Variants in SLIT1 observed in about 807,000 individuals in gnomAD.
SLIT1 encodes slit homolog 1 protein.
SLIT1 carries 66 observed loss-of-function variants against 186.1 expected under a neutral mutation model. That is an observed-to-expected ratio of 0.35 (90% CI 0.29 to 0.44). SLIT1 has a LOEUF of 0.44. SLIT1 is among the 20% of genes least tolerant of loss of function. The pLI, the probability that SLIT1 is intolerant of heterozygous loss-of-function variation, is 1.00. For synonymous variants in SLIT1, 761 were observed against 833.8 expected, an observed-to-expected ratio of 0.91 and a Z score of 1.50; for missense variants, 1,638 against 2,037.4, an observed-to-expected ratio of 0.80 and a Z score of 3.77.
At chr10:97,008,860 TTTA>T (rs944013345) in intron 31 of SLIT1, among the ~76,000 whole-genome samples, 25 of 150,972 alleles carry the variant, frequency 1.7e-4, no homozygotes, top group African/African-American at 5.3e-4. Flanking sequence ...TTTTTTATTT[TTTA>T]TTATTTATTT....
chr10:97,001,190 G>A lies in SLIT1; in HGVS notation c.4527C>T (p.Thr1509=). Residue 1509 remains threonine, a synonymous_variant, in exon 37 of 37, where the codon ACC becomes ACT. Coordinates refer to ENST00000266058, the MANE Select transcript of SLIT1 (RefSeq NM_003061.3). The part of the protein sequence containing the change: ...QGLRLKRRKF[T]FECSDGTSFA... ...AAGAGGTCCCATCGCTGCACTCAAA[G>A]GTGAACTTCCTCCGCTTCAGCCGAA... 6.2e-7 allele frequency: 1 copy of A among 1,613,302 alleles called. No individual in the cohort carries two copies. The highest frequency in any genetic ancestry group is 1.6e-4 in the Middle Eastern group (1 of 6,062).
At chr10:97,005,689 G>A (rs1213700049) in intron 32 of SLIT1, among the ~76,000 whole-genome samples, 1 of 152,206 alleles carries the variant, frequency 6.6e-6, no homozygotes, top group African/African-American at 2.4e-5. Flanking sequence ...TTTATTTTTG[G>A]CGGTTAGGCT....
intron 4 of SLIT1, among the ~76,000 whole-genome samples, chr10:97,077,280 T>A (rs1849054529): frequency 6.6e-6 from 1 of 151,554 alleles, no homozygotes; most frequent in South Asian, 2.1e-4. Flanking sequence ...AAAAAAAAAA[T>A]CACACAGGAC....
chr10:97,131,808 G>A (rs973749734), intron 4 of SLIT1, among the ~76,000 whole-genome samples: 17 of 152,302 alleles, frequency 1.1e-4, no homozygotes, highest in African/African-American at 4.1e-4. Context: ...GGCACCGTGC[G>A]GAGCTCTTTG....
At chr10:97,064,125 C>T in intron 7 of SLIT1, 43 bp downstream of exon 7, 1 of 1,529,824 alleles carries the variant, frequency 6.5e-7, no homozygotes, top group East Asian at 2.3e-5. Context: ...CTGGCATCAA[C>T]CGGGCTTGGC....
intron 1 of SLIT1, among the ~76,000 whole-genome samples, chr10:97,180,984 G>A (rs1461335079): frequency 1.3e-5 from 2 of 152,228 alleles, no homozygotes; most frequent in African/African-American, 2.4e-5. Context: ...CAGAGGCCGA[G>A]AGAAGGGCGA....
intron 23 of SLIT1, among the ~76,000 whole-genome samples, chr10:97,033,748 T>C (rs1418964890): frequency 6.6e-6 from 1 of 152,052 alleles, no homozygotes; most frequent in Non-Finnish European, 1.5e-5. Flanking sequence ...ATGGTAATGC[T>C]GTAAAGAAAA....
Position 97,001,323 on chromosome 10 carries a change from C to T in SLIT1, c.4394G>A (p.Arg1465Gln), listed in dbSNP as rs148054601. The part of the protein sequence containing the change: ...QESECRGDPV[R>Q]DFHQVQRGYA... ...GCCCCTCTGGACCTGGTGAAAGTCC[C>T]GGACAGGGTCCCCCCGGCACTCGGA... The change falls in exon 37 of 37, where the codon CGG becomes CAG. Residue 1465 changes from arginine (R) to glutamine (Q), a missense_variant. This residue lies in a region of SLIT1 where 220 missense variants were observed against 211.3 expected (regional missense o/e 1.04). Coordinates refer to ENST00000266058, the MANE Select transcript of SLIT1 (RefSeq NM_003061.3). 1.7e-4 allele frequency: 278 copies of T among 1,612,966 alleles called. No homozygotes were observed. The highest frequency in any genetic ancestry group is 1.3e-3 in the Admixed American group (76 of 60,010).
chr10:97,103,673 C>T (rs529421667), intron 4 of SLIT1: 4 of 152,352 alleles, frequency 2.6e-5, no homozygotes, highest in African/African-American at 9.6e-5. Context: ...AATGAACCCT[C>T]TGGGAATGAA....
At chr10:97,104,163 G>T (rs982808005) in intron 4 of SLIT1, among the ~76,000 whole-genome samples, 1 of 152,120 alleles carries the variant, frequency 6.6e-6, no homozygotes, top group African/African-American at 2.4e-5. Flanking sequence ...TGGCAGGGAA[G>T]GCCTTTGATC....
Position 97,011,082 on chromosome 10 carries a change from C to T in SLIT1, c.3252G>A (p.Gln1084=). The change falls in exon 31 of 37, where the codon CAG becomes CAA. Residue 1084 remains glutamine, a synonymous_variant. Transcript: ENST00000266058. ...GGCAGCGGTGGTCCCTGCAGTCATC[C>T]TGGTTCTCACTGCAGTTGTCACCTG... The part of the protein sequence containing the change: ...GYAGDNCSEN[Q]DDCRDHRCQN... 5 of 1,613,650 alleles carry T rather than the reference C, an allele frequency of 3.1e-6. No homozygotes were observed. The highest frequency in any genetic ancestry group is 4.2e-6 in the Non-Finnish European group (5 of 1,179,600).
In SLIT1 at chr10:97,068,722, G is replaced by A. The variant is rs942554697; in HGVS notation, c.414-2636C>T. ...CACCTTCCCTTCCTGCTCTCCCCAT[G>A]GCATCTTTCATCTTCGATCTTGGTT... On this transcript the variant is annotated intron_variant, in intron 4 of 36. Coordinates refer to ENST00000266058, the MANE Select transcript of SLIT1 (RefSeq NM_003061.3). This position sits in a 1 kb window ranked among gnomAD's most constrained non-coding sequence, Gnocchi z 4.2. Among the ~76,000 whole-genome samples the A allele has an allele frequency of 1.3e-5, 2 of 152,104 alleles. No individual in the cohort carries two copies. The highest frequency in any genetic ancestry group is 2.9e-5 in the Non-Finnish European group (2 of 68,024).
intron 25 of SLIT1, among the ~76,000 whole-genome samples, chr10:97,025,227 A>G (rs1013669065): frequency 2.6e-5 from 4 of 152,210 alleles, no homozygotes; most frequent in African/African-American, 9.6e-5. Context: ...GTGAGCTGAG[A>G]TCGGACCACT....
intron 1 of SLIT1, among the ~76,000 whole-genome samples, chr10:97,183,734 A>T (rs1336773135): frequency 3.3e-5 from 5 of 152,192 alleles, no homozygotes; most frequent in African/African-American, 1.2e-4. Context: ...ATTCAAAAGC[A>T]AAGAAGAAGG....
intron 4 of SLIT1, among the ~76,000 whole-genome samples, chr10:97,095,130 A>G (rs1849273766): frequency 6.6e-6 from 1 of 152,174 alleles, no homozygotes; most frequent in African/African-American, 2.4e-5. Flanking sequence ...TGAAAATACA[A>G]AAGTTAGTCA....
At chr10:97,166,557 A>AGGAAGGAAGGAAGGAAAGAGAG (rs1283710320) in intron 1 of SLIT1, among the ~76,000 whole-genome samples, 3 of 55,192 alleles carry the variant, frequency 5.4e-5, no homozygotes, top group Admixed American at 2.4e-4. Context: ...GAAGGAAGGA[A>AGGAAGGAAGGAAGGAAAGAGAG]AGAGAGAGAG....
intron 5 of SLIT1, chr10:97,065,710 C>T: frequency 3.3e-6 from 1 of 306,092 alleles, no homozygotes; most frequent in South Asian, 5.2e-5. Context: ...ATGAGGCGGG[C>T]ACAGACACTG....
Position 97,171,321 on chromosome 10 carries a change from C to T in SLIT1, c.198-6431G>A, listed in dbSNP as rs74152145. Among the ~76,000 whole-genome samples, 627 of 152,258 alleles carry T rather than the reference C, an allele frequency of 4.1e-3. 3 individuals are homozygous for T. The highest frequency in any genetic ancestry group is 0.014 in the African/African-American group (579 of 41,526). ...GGTGCATTTGCCCCATCCCACCTGCCAGCTGCAACACCCGCCCCATGCCTC... is the reference window on the plus strand; with the variant it reads ...GGTGCATTTGCCCCATCCCACCTGCTAGCTGCAACACCCGCCCCATGCCTC... On this transcript the variant is annotated intron_variant, in intron 1 of 36. Transcript: ENST00000266058.
chr10:97,069,241 C>A (rs1374374371), intron 4 of SLIT1, among the ~76,000 whole-genome samples: 1 of 152,228 alleles, frequency 6.6e-6, no homozygotes, highest in Non-Finnish European at 1.5e-5. Context: ...TAACCAGGAG[C>A]CCAGGCTGAC....
Sources: gnomAD v4.1 joint callset for allele counts (sites outside exome capture counted in the v4.1 genomes callset) on GRCh38, gnomAD v4.1.1 for gene constraint, gnomAD v4.1.1 regional missense constraint, Gnocchi (gnomAD v3.1) non-coding constraint, MANE v1.5 for transcripts, NCBI Gene and HGNC (gene_info 2026-07-23, HGNC 2026-07-21) for gene names.